The following PDSS2 variants were observed in gnomAD, a reference collection of about 807,000 sequenced individuals.
PDSS2 encodes decaprenyl diphosphate synthase subunit 2.
Under a neutral mutation model 44.5 loss-of-function variants are expected in PDSS2, and 31 were observed. The ratio of observed to expected loss-of-function variants is 0.70; its 90% CI spans 0.52 to 0.94. The LOEUF (loss-of-function observed/expected upper bound fraction) is 0.94. Ranked by LOEUF, PDSS2 falls within the 40% of genes least tolerant of loss-of-function variation. The pLI is 0.00. For synonymous variants in PDSS2, 157 were observed against 180.3 expected (o/e 0.87, Z 1.03); for missense variants, 452 against 482.2 (o/e 0.94, Z 0.59).
intron 1 of PDSS2, among the ~76,000 whole-genome samples, chr6:107,399,187 T>A (rs1487420459): frequency 6.6e-6 from 1 of 152,174 alleles, no homozygotes; most frequent in East Asian, 1.9e-4. Context: ...TAGTTAGCAG[T>A]GAAGCCAGGA....
At chr6:107,171,712 C>A (rs964310200) in intron 7 of PDSS2, among the ~76,000 whole-genome samples, 1 of 151,956 alleles carries the variant, frequency 6.6e-6, no homozygotes, top group Non-Finnish European at 1.5e-5. Flanking sequence ...ATGAGCATGG[C>A]GGGTGGTCTC....
intron 4 of PDSS2, among the ~76,000 whole-genome samples, chr6:107,230,690 TG>T (rs1443259340): frequency 3.6e-4 from 54 of 151,534 alleles, no homozygotes; most frequent in South Asian, 8.3e-4. Context: ...TTTCTCATAG[TG>T]ATGAGAAAAA....
intron 1 of PDSS2, among the ~76,000 whole-genome samples, chr6:107,360,528 T>C (rs1292217814): frequency 6.6e-6 from 1 of 152,170 alleles, no homozygotes; most frequent in Non-Finnish European, 1.5e-5. Flanking sequence ...GGCTTGCCAT[T>C]AGAACCTTCT....
At chr6:107,422,919 A>C (rs1583065065) in intron 1 of PDSS2, among the ~76,000 whole-genome samples, 1 of 152,268 alleles carries the variant, frequency 6.6e-6, no homozygotes, top group East Asian at 1.9e-4. Context: ...TGGAGATTTC[A>C]TATATTACGA....
chr6:107,277,855 A>G, intron 2 of PDSS2, among the ~76,000 whole-genome samples: 1 of 152,054 alleles, frequency 6.6e-6, no homozygotes, highest in Non-Finnish European at 1.5e-5. Flanking sequence ...GCTACTTGGG[A>G]GGCAGAGGCA....
intron 1 of PDSS2, among the ~76,000 whole-genome samples, chr6:107,411,925 G>A (rs1442657977): frequency 2.0e-5 from 2 of 99,818 alleles, no homozygotes; most frequent in Non-Finnish European, 3.7e-5. Context: ...TGCTCTTGTT[G>A]CCCAAGCTGC....
chr6:107,445,036 A>G lies in PDSS2; in HGVS notation c.296+13954T>C, dbSNP rs558827892. Among the ~76,000 whole-genome samples the G allele has an allele frequency of 7.9e-4, 121 of 152,278 alleles. 3 individuals are homozygous for G. The South Asian group carries it at 0.025, about 32-fold the overall frequency. On this transcript the variant is annotated intron_variant, in intron 1 of 7. Coordinates refer to ENST00000369037, the MANE Select transcript of PDSS2 (RefSeq NM_020381.4). ...AGCCTTACTACTCAAAGAATCATCT[A>G]TGTTTTAGAAACAACAAAAGTCTAA...
chr6:107,367,917 C>T (rs1355731748), intron 1 of PDSS2, among the ~76,000 whole-genome samples: 1 of 151,342 alleles, frequency 6.6e-6, no homozygotes, highest in Non-Finnish European at 1.5e-5. Flanking sequence ...ATAAAAAATA[C>T]TAGAATTAAT....
intron 2 of PDSS2, among the ~76,000 whole-genome samples, chr6:107,300,131 T>C (rs908507169): frequency 2.0e-5 from 3 of 152,176 alleles, no homozygotes; most frequent in African/African-American, 7.2e-5. Flanking sequence ...TTTCAATCCC[T>C]GTATCTTTAA....
intron 6 of PDSS2, among the ~76,000 whole-genome samples, chr6:107,207,002 T>C (rs1309632189): frequency 1.3e-5 from 2 of 152,054 alleles, no homozygotes; most frequent in Non-Finnish European, 2.9e-5. Context: ...TATTGTTTTT[T>C]TTTTTTTTTA....
At chr6:107,335,698 C>T (rs181473247) in intron 1 of PDSS2, among the ~76,000 whole-genome samples, 1 of 152,108 alleles carries the variant, frequency 6.6e-6, no homozygotes, top group Admixed American at 6.5e-5. Flanking sequence ...CATTCAAGAA[C>T]TAAATGGCAT....
intron 4 of PDSS2, among the ~76,000 whole-genome samples, chr6:107,222,208 A>C (rs2114684994): frequency 6.6e-6 from 1 of 152,322 alleles, no homozygotes; most frequent in Middle Eastern, 3.4e-3. Flanking sequence ...TCAAGTATAG[A>C]AAAATGTCTA....
intron 1 of PDSS2, among the ~76,000 whole-genome samples, chr6:107,456,909 G>T (rs751294079): frequency 8.7e-5 from 13 of 149,564 alleles, no homozygotes; most frequent in Non-Finnish European, 7.4e-5. Flanking sequence ...ATGGACTGAG[G>T]AGTACACATT....
chr6:107,331,982 G>A (rs1035577449), intron 2 of PDSS2, among the ~76,000 whole-genome samples: 2 of 152,092 alleles, frequency 1.3e-5, no homozygotes, highest in African/African-American at 4.8e-5. Flanking sequence ...ACAAGGCAAT[G>A]TGAGGTCCAT....
At chr6:107,377,794 C>A (rs1227183488) in intron 1 of PDSS2, among the ~76,000 whole-genome samples, 1 of 151,874 alleles carries the variant, frequency 6.6e-6, no homozygotes, top group African/African-American at 2.4e-5. Flanking sequence ...GGACAAAAAA[C>A]CAAACACCGC....
chr6:107,206,212 C>T (rs986073006), intron 6 of PDSS2, among the ~76,000 whole-genome samples: 1 of 152,222 alleles, frequency 6.6e-6, no homozygotes, highest in African/African-American at 2.4e-5. Context: ...GCTGGGATTA[C>T]AGGCATGCGC....
chr6:107,183,571 G>A (rs1398418358), intron 7 of PDSS2, among the ~76,000 whole-genome samples: 1 of 151,944 alleles, frequency 6.6e-6, no homozygotes, highest in African/African-American at 2.4e-5. Context: ...GGTGGCAGGC[G>A]CCTGTAATCC....
At chr6:107,165,139 C>A (rs1420326333) in intron 7 of PDSS2, among the ~76,000 whole-genome samples, 13 of 152,064 alleles carry the variant, frequency 8.5e-5, no homozygotes, top group African/African-American at 3.1e-4. Flanking sequence ...ATGGTAGTTT[C>A]TTTTGCTGTG....
At chr6:107,382,200 T>C (rs1319798045) in intron 1 of PDSS2, among the ~76,000 whole-genome samples, 1 of 152,234 alleles carries the variant, frequency 6.6e-6, no homozygotes, top group East Asian at 1.9e-4. Flanking sequence ...CTACACCTTT[T>C]ATAATGTCAG....
Sources: allele counts gnomAD v4.1 joint callset (sites outside exome capture counted in the v4.1 genomes callset), GRCh38; gene constraint gnomAD v4.1.1; transcripts MANE v1.5; gene names NCBI Gene and HGNC (gene_info 2026-07-23, HGNC 2026-07-21).